UGGT2: variants seen among roughly 807,000 people sequenced by gnomAD.
The protein encoded by UGGT2 is UDP-glucose glycoprotein glucosyltransferase 2.
Under a neutral mutation model 192.1 loss-of-function variants are expected in UGGT2, and 180 were observed. The observed-to-expected ratio is 0.94, with a 90% CI of 0.83 to 1.06. UGGT2 has a LOEUF of 1.06. Among genes scored for constraint, UGGT2 ranks in the 50% least tolerant of loss-of-function variants. UGGT2 has a pLI of 0.00. For synonymous variants in UGGT2, 580 were observed against 591.0 expected (o/e 0.98, Z 0.27); for missense variants, 1,849 against 1,795.7 (o/e 1.03, Z -0.54).
chr13:95,937,761 A>C lies in UGGT2; in HGVS notation c.1813-673T>G, dbSNP rs188779846. Among the ~76,000 whole-genome samples, 225 of 152,324 alleles carry C rather than the reference A, an allele frequency of 1.5e-3. 1 individual carries two copies. Among genetic ancestry groups the C allele is most frequent in the African/African-American group, 5.1e-3 (212 of 41,574 alleles). On this transcript the variant is annotated intron_variant, in intron 16 of 38. Transcript: ENST00000376747. The stretch of plus-strand genomic sequence containing the variant: ...TACTAAAAATCTTAAAGGCTTAATA[A>C]AAATTTGCCAGAGAGATAAAATAGA...
At chr13:95,968,806 T>C (rs755953995) in intron 12 of UGGT2, among the ~76,000 whole-genome samples, 1 of 152,162 alleles carries the variant, frequency 6.6e-6, no homozygotes, top group Non-Finnish European at 1.5e-5. Flanking sequence ...GCTATACCCA[T>C]ACATGTATAC....
At chr13:95,965,049 T>C (rs1211559193) in intron 12 of UGGT2, among the ~76,000 whole-genome samples, 1 of 150,594 alleles carries the variant, frequency 6.6e-6, no homozygotes, top group African/African-American at 2.4e-5. Context: ...AGATACCATC[T>C]CACACCAGTT....
chr13:95,931,477 G>A (rs7325690), intron 17 of UGGT2, among the ~76,000 whole-genome samples: 55,304 of 151,556 alleles, frequency 0.36, 10,425 homozygotes, highest in Middle Eastern at 0.42. Context: ...ACTGGGCGCC[G>A]CGGAGCAGGG....
intron 26 of UGGT2, 38 bp downstream of exon 26, chr13:95,887,854 A>C (rs1347374752): frequency 1.5e-6 from 2 of 1,324,758 alleles, no homozygotes; most frequent in East Asian, 4.7e-5. Context: ...CAGCATTTAC[A>C]AATTTTTCAA....
chr13:95,901,815 C>T (rs1039096865), intron 21 of UGGT2, among the ~76,000 whole-genome samples: 1 of 152,088 alleles, frequency 6.6e-6, no homozygotes, highest in Non-Finnish European at 1.5e-5. Flanking sequence ...CCAAAATCCC[C>T]ATTTCAATCA....
At chr13:96,033,444 G>T (rs2052901582) in intron 1 of UGGT2, among the ~76,000 whole-genome samples, 1 of 152,108 alleles carries the variant, frequency 6.6e-6, no homozygotes, top group African/African-American at 2.4e-5. Context: ...GGACATCCCT[G>T]TGCTTTTGGG....
rs144959996 is a variant in UGGT2, at chr13:95,935,433, T to C, written c.1977+1491A>G. Among the ~76,000 whole-genome samples the C allele has an allele frequency of 7.2e-3, 1,099 of 152,328 alleles. 19 individuals carry two copies. The highest frequency in any genetic ancestry group is 0.025 in the African/African-American group (1,039 of 41,570). ...CTTCTCATTCACTTATGAAGCTTAGTTTGACAGGACACAAAATTCTTGGTT... is the reference window on the plus strand; with the variant it reads ...CTTCTCATTCACTTATGAAGCTTAGCTTGACAGGACACAAAATTCTTGGTT... On this transcript the variant is annotated intron_variant, in intron 17 of 38. Transcript: ENST00000376747.
chr13:95,821,016 G>A lies in UGGT2; in HGVS notation c.4528+11911C>T, dbSNP rs1169176117. Among the ~76,000 whole-genome samples, 3 of 151,970 alleles carry A rather than the reference G, an allele frequency of 2.0e-5. No homozygotes were observed. The East Asian group carries it at 5.8e-4, about 29-fold the overall frequency. ...CTCATTGGTTAAGGCATTTAAGTTGGTTCTTTGCAATTGTGAAATGTGCTG... is the reference window on the plus strand; with the variant it reads ...CTCATTGGTTAAGGCATTTAAGTTGATTCTTTGCAATTGTGAAATGTGCTG... On this transcript the variant is annotated intron_variant, in intron 38 of 38. Transcript: ENST00000376747.
chr13:95,805,036 A>C (rs1884237050), intron 38 of UGGT2, among the ~76,000 whole-genome samples: 1 of 152,162 alleles, frequency 6.6e-6, no homozygotes, highest in Non-Finnish European at 1.5e-5. Context: ...CAAATCATGT[A>C]TCTGATAAGC....
rs1271102972 is a variant in UGGT2 at position 96,053,295 on chromosome 13, G to A, written c.18C>T (p.Ala6=). The A allele has an allele frequency of 1.3e-6, 2 of 1,578,634 alleles. No individual in the cohort carries two copies. The highest frequency in any genetic ancestry group is 1.7e-6 in the Non-Finnish European group (2 of 1,171,614). The stretch of plus-strand genomic sequence containing the variant: ...CTAGTAGCAGCCGCACCACGTTCGT[G>A]GCTTTCGCTGGCGCCATGGCACGGA... MAPAK[A]TNVVRLLLGS... The change falls in exon 1 of 39, where the codon GCC becomes GCT. Residue 6 remains alanine, a synonymous_variant. Coordinates refer to ENST00000376747, the MANE Select transcript of UGGT2 (RefSeq NM_020121.4).
chr13:96,029,658 G>A (rs2052773091), intron 2 of UGGT2, among the ~76,000 whole-genome samples: 1 of 152,150 alleles, frequency 6.6e-6, no homozygotes, highest in Non-Finnish European at 1.5e-5. Flanking sequence ...ATATATGCTT[G>A]ATGTAGAGTT....
chr13:95,962,303 G>C (rs932025086), intron 12 of UGGT2, among the ~76,000 whole-genome samples: 1 of 151,888 alleles, frequency 6.6e-6, no homozygotes, highest in Non-Finnish European at 1.5e-5. Flanking sequence ...TTTTTGAAAA[G>C]ATAAACCACT....
intron 4 of UGGT2, among the ~76,000 whole-genome samples, chr13:96,022,353 T>A (rs184958564): frequency 6.6e-6 from 1 of 152,016 alleles, no homozygotes; most frequent in African/African-American, 2.4e-5. Flanking sequence ...ATAAAAACAA[T>A]ATAAAAGTCA....
At chr13:95,966,398 G>C (rs188738466) in intron 12 of UGGT2, among the ~76,000 whole-genome samples, 1 of 152,134 alleles carries the variant, frequency 6.6e-6, no homozygotes, top group Non-Finnish European at 1.5e-5. Flanking sequence ...AGGGCATGCT[G>C]GTGGGAGGGG....
At chr13:95,994,254 T>C (rs1288556798) in intron 7 of UGGT2, among the ~76,000 whole-genome samples, 2 of 151,910 alleles carry the variant, frequency 1.3e-5, no homozygotes, top group Non-Finnish European at 2.9e-5. Context: ...TATCTCATAC[T>C]TTATGAATGT....
chr13:96,009,633 C>T (rs1168872993), intron 5 of UGGT2, among the ~76,000 whole-genome samples: 1 of 152,122 alleles, frequency 6.6e-6, no homozygotes. Context: ...CATGCTGATA[C>T]CCCATCTCCA....
chr13:96,007,958 T>C (rs574096559), intron 5 of UGGT2, among the ~76,000 whole-genome samples: 3 of 152,124 alleles, frequency 2.0e-5, no homozygotes, highest in South Asian at 2.1e-4. Context: ...GTCTTTTCAA[T>C]ATGAAAACTG....
At chr13:96,052,091 C>T (rs1277443092) in intron 1 of UGGT2, among the ~76,000 whole-genome samples, 1 of 152,106 alleles carries the variant, frequency 6.6e-6, no homozygotes, top group African/African-American at 2.4e-5. Flanking sequence ...CATCAATCAA[C>T]GAGTGGATAA....
chr13:95,944,822 T>C (rs953970785), intron 15 of UGGT2, among the ~76,000 whole-genome samples: 30 of 152,118 alleles, frequency 2.0e-4, no homozygotes, highest in African/African-American at 6.5e-4. Context: ...TTAAAATTAA[T>C]CTTAAGTGTA....
Sources: allele counts gnomAD v4.1 joint callset (sites outside exome capture counted in the v4.1 genomes callset), GRCh38; gene constraint gnomAD v4.1.1; transcripts MANE v1.5; gene names NCBI Gene and HGNC (gene_info 2026-07-23, HGNC 2026-07-21).